SENP5: variants seen among roughly 807,000 people sequenced by gnomAD.
The protein encoded by SENP5 is SUMO specific peptidase 5.
A neutral mutation model predicts 74.2 loss-of-function variants in SENP5; 21 were observed. The observed-to-expected ratio is 0.28, with a 90% confidence interval of 0.20 to 0.41. The LOEUF is 0.41. Ranked by LOEUF, SENP5 falls within the 10% of genes least tolerant of loss-of-function variation. The probability of loss-of-function intolerance (pLI) is 1.00; values close to 1 mark genes in which losing one functional copy is unlikely to be tolerated. For synonymous variants in SENP5, 311 were observed against 312.7 expected, an observed-to-expected ratio of 0.99 and a Z score of 0.06; for missense variants, 717 against 889.1, an observed-to-expected ratio of 0.81 and a Z score of 2.46.
intron 2 of SENP5, among the ~76,000 whole-genome samples, chr3:196,892,940 C>T (rs1248579346): frequency 6.6e-6 from 1 of 152,182 alleles, no homozygotes; most frequent in Non-Finnish European, 1.5e-5. Context: ...CATTCATCCA[C>T]TCATGGGCAT....
At chr3:196,923,991 T>C (rs186666981) in intron 7 of SENP5, among the ~76,000 whole-genome samples, 1 of 152,288 alleles carries the variant, frequency 6.6e-6, no homozygotes, top group Non-Finnish European at 1.5e-5. Flanking sequence ...TTTCCTGCAC[T>C]ACCAAGAACC....
rs780858586 is a variant in SENP5 at position 196,885,726 on chromosome 3, C to T, written c.545C>T (p.Thr182Met). 4 of 1,614,174 alleles carry T rather than the reference C, an allele frequency of 2.5e-6. No individual in the cohort carries two copies. The South Asian group carries it at 3.3e-5, about 13-fold the overall frequency. ...AGCCAAAGTCCAGGTGAGAGTGGCA[C>T]GATTGTGGTCACCTTGAACAACCAT... ...GESQSPGESG[T>M]IVVTLNNHKR... Residue 182 changes from threonine to methionine, a missense_variant, in exon 2 of 10, where the codon ACG (threonine) becomes ATG (methionine). Physicochemically the swap from Thr to Met is moderately conservative, Grantham distance 81. Coordinates refer to ENST00000323460, the MANE Select transcript of SENP5 (RefSeq NM_152699.5).
chr3:196,892,288 G>A (rs189842550), intron 2 of SENP5, among the ~76,000 whole-genome samples: 1 of 152,082 alleles, frequency 6.6e-6, no homozygotes, highest in African/African-American at 2.4e-5. Context: ...GGACCACAGA[G>A]GTGCGCCACT....
chr3:196,871,807 A>G (rs370689519), intron 1 of SENP5, among the ~76,000 whole-genome samples: 2 of 151,264 alleles, frequency 1.3e-5, no homozygotes, highest in South Asian at 2.1e-4. Flanking sequence ...GTGAGTCGAG[A>G]TCAGGTCACT....
Position 196,894,184 on chromosome 3 carries a change from C to T in SENP5, c.1514-5482C>T, listed in dbSNP as rs571837079. Among the ~76,000 whole-genome samples the T allele has an allele frequency of 8.5e-5, 11 of 128,780 alleles. No homozygotes were observed. In the South Asian group the frequency reaches 1.4e-3, roughly 17 times the overall value. 84.5% of individuals were successfully genotyped at this position (128,780 alleles called of 152,430 possible). On this transcript the variant is annotated intron_variant, in intron 2 of 9. Coordinates refer to ENST00000323460, the MANE Select transcript of SENP5 (RefSeq NM_152699.5). The stretch of plus-strand genomic sequence containing the variant: ...TGTTGCCCAGGCTGGAGTGCAGTGG[C>T]GTGATCTCGGCTCACGGTGGCCTCC...
At chr3:196,901,731 T>TTA (rs1321618533) in intron 5 of SENP5, among the ~76,000 whole-genome samples, 4 of 152,254 alleles carry the variant, frequency 2.6e-5, no homozygotes, top group African/African-American at 9.6e-5. Flanking sequence ...CTAGATGCTC[T>TTA]ATTGTCAAAT....
intron 6 of SENP5, among the ~76,000 whole-genome samples, chr3:196,918,666 AAT>A (rs1220978619): frequency 6.6e-6 from 1 of 152,180 alleles, no homozygotes; most frequent in Non-Finnish European, 1.5e-5. Context: ...ACGTATCAAT[AAT>A]AACATTGAAT....
At chr3:196,907,961 G>A (rs2108845097) in intron 6 of SENP5, among the ~76,000 whole-genome samples, 1 of 152,068 alleles carries the variant, frequency 6.6e-6, no homozygotes, top group South Asian at 2.1e-4. Flanking sequence ...GAAAAAGAAA[G>A]GTTGAAAATG....
intron 2 of SENP5, among the ~76,000 whole-genome samples, chr3:196,890,889 G>A (rs977720877): frequency 2.6e-5 from 4 of 151,954 alleles, no homozygotes; most frequent in African/African-American, 9.7e-5. Flanking sequence ...GAAATAACTT[G>A]GATGGTTACT....
intron 4 of SENP5, 47 bp from the exon 5 acceptor site, chr3:196,900,318 C>G: frequency 9.1e-6 from 14 of 1,546,284 alleles, no homozygotes; most frequent in Non-Finnish European, 1.2e-5. Context: ...CTTTCTCCAA[C>G]TTAACTGGCA....
chr3:196,929,654 G>T lies in SENP5; in HGVS notation c.2128G>T (p.Asp710Tyr). The stretch of plus-strand genomic sequence containing the variant: ...TCAGTGTATTCCACAACAGAAAAAC[G>T]ACAGTGACTGTGGAGTCTTTGTGCT... Reference protein sequence around the residue: ...VTKCIPQQKNDSDCGVFVLQY... With the variant: ...VTKCIPQQKNYSDCGVFVLQY... Residue 710 changes from aspartate (D) to tyrosine (Y), a missense_variant, in exon 9 of 10, where the codon GAC becomes TAC. Transcript: ENST00000323460. 4 of 1,608,578 alleles carry T rather than the reference G, an allele frequency of 2.5e-6. No homozygotes were observed. In the South Asian group the frequency reaches 4.4e-5, roughly 18 times the overall value.
At chr3:196,922,575 A>G (rs956904571) in intron 6 of SENP5, among the ~76,000 whole-genome samples, 7 of 152,190 alleles carry the variant, frequency 4.6e-5, no homozygotes, top group Non-Finnish European at 1.0e-4. Flanking sequence ...CAGCCTCCCA[A>G]GTAGCTGGGA....
intron 6 of SENP5, among the ~76,000 whole-genome samples, chr3:196,908,132 A>C (rs1291620285): frequency 6.6e-6 from 1 of 151,932 alleles, no homozygotes; most frequent in Non-Finnish European, 1.5e-5. Flanking sequence ...AATTTAAAAA[A>C]CTTAGCTGGC....
chr3:196,878,955 G>A (rs1168257556), intron 1 of SENP5, among the ~76,000 whole-genome samples: 1 of 152,146 alleles, frequency 6.6e-6, no homozygotes, highest in African/African-American at 2.4e-5. Context: ...TTGACTTGAA[G>A]ATGAAGATTG....
intron 6 of SENP5, among the ~76,000 whole-genome samples, chr3:196,912,197 A>G (rs1715162506): frequency 6.6e-6 from 1 of 152,234 alleles, no homozygotes; most frequent in South Asian, 2.1e-4. Context: ...GATAGACTAC[A>G]TAAAGAGAAT....
chr3:196,923,263 T>C (rs1452793325), intron 6 of SENP5, 151 bp from the exon 7 acceptor site: 2 of 670,478 alleles, frequency 3.0e-6, no homozygotes, highest in African/African-American at 3.6e-5. Flanking sequence ...AAGCATGGGC[T>C]TAGAGTAAGA....
intron 5 of SENP5, among the ~76,000 whole-genome samples, chr3:196,902,085 CTCTT>C (rs1358926387): frequency 2.0e-4 from 30 of 152,324 alleles, no homozygotes; most frequent in African/African-American, 6.5e-4. Context: ...CTACTATAAG[CTCTT>C]TCTTATTTAT....
In SENP5 at chr3:196,899,975, A is replaced by G; in HGVS notation, c.1671A>G (p.Lys557=). The change falls in exon 4 of 10, where the codon AAA becomes AAG. Residue 557 remains lysine, a synonymous_variant. Coordinates refer to ENST00000323460, the MANE Select transcript of SENP5 (RefSeq NM_152699.5). ...CAAACTATCGGGCCAGACATCAAAAATGTAACTTCCGTATCTTCTATAATA... is the reference window on the plus strand; with the variant it reads ...CAAACTATCGGGCCAGACATCAAAAGTGTAACTTCCGTATCTTCTATAATA... ...EITNYRARHQ[K]CNFRIFYNKH... is the part of the protein sequence containing the mutation. The G allele has an allele frequency of 5.6e-6, 9 of 1,614,144 alleles. No homozygotes were observed. The highest frequency in any genetic ancestry group is 1.6e-4 in the Middle Eastern group (1 of 6,062).
intron 1 of SENP5, among the ~76,000 whole-genome samples, chr3:196,879,862 A>G (rs1713644581): frequency 6.6e-6 from 1 of 152,208 alleles, no homozygotes; most frequent in Non-Finnish European, 1.5e-5. Context: ...ACTTCGAAAT[A>G]ACTTCAAATT....
Sources: gnomAD v4.1 joint callset for allele counts (sites outside exome capture counted in the v4.1 genomes callset) on GRCh38, gnomAD v4.1.1 for gene constraint, MANE v1.5 for transcripts, NCBI Gene and HGNC (gene_info 2026-07-23, HGNC 2026-07-21) for gene names.